VRK2: variants seen among roughly 807,000 people sequenced by gnomAD.
VRK2 encodes VRK serine/threonine kinase 2.
Under a neutral mutation model 57.6 loss-of-function variants are expected in VRK2, and 60 were observed. The observed-to-expected ratio is 1.04, with a 90% confidence interval of 0.85 to 1.29. VRK2 has a LOEUF of 1.29. Among genes scored for constraint, VRK2 ranks in the 50% most tolerant of loss-of-function variants. VRK2 has a pLI of 0.00. For synonymous variants in VRK2, 231 were observed against 199.2 expected (o/e 1.16, Z -1.35); for missense variants, 705 against 588.1 (o/e 1.20, Z -2.06).
At position 58,146,382 on chromosome 2, in the gene VRK2, G is replaced by A. The variant is rs753639112; in HGVS notation, c.1090G>A (p.Val364Ile). The stretch of plus-strand genomic sequence containing the variant: ...ACACAATAGGTTAATCGAAAAAAAA[G>A]TCCACAGTGAGAGAAGCGCTGAGTC... Reference protein sequence around the residue: ...KAHNRLIEKKVHSERSAESCA... With the variant: ...KAHNRLIEKKIHSERSAESCA... Residue 364 changes from valine to isoleucine, a missense_variant, in exon 12 of 13, where the codon GTC becomes ATC. Transcript: ENST00000340157. 5 of 1,611,652 alleles carry A rather than the reference G, an allele frequency of 3.1e-6. No homozygotes were observed. The highest frequency in any genetic ancestry group is 2.2e-5 in the South Asian group (2 of 91,010).
intron 2 of VRK2, among the ~76,000 whole-genome samples, chr2:58,082,612 A>G (rs780174339): frequency 6.6e-6 from 1 of 150,626 alleles, no homozygotes; most frequent in Non-Finnish European, 1.5e-5. Flanking sequence ...TCCCCTGTGT[A>G]TACTTTCTTA....
At position 57,972,491 on chromosome 2, in the gene VRK2, G is replaced by A. The variant is rs1484186574; in HGVS notation, c.-438-53174G>A. ...GTTTATTTTTTTCTGCATTATTTTG[G>A]TCTTTAGCATATAACCCATTAAGAA... On this transcript the variant is annotated intron_variant, in intron 1 of 15. Coordinates refer to the VRK2 transcript ENST00000417641. 2.6e-5 allele frequency among the ~76,000 whole-genome samples: 4 copies of A among 151,602 alleles called. No homozygotes were observed. The East Asian group carries it at 7.7e-4, about 29-fold the overall frequency.
intron 1 of VRK2, among the ~76,000 whole-genome samples, chr2:57,942,429 T>A (rs1671128711): frequency 6.6e-6 from 1 of 152,204 alleles, no homozygotes; most frequent in African/African-American, 2.4e-5. Context: ...TTCTTGCACC[T>A]GTGAGTCTCT....
chr2:57,926,110 T>C (rs1329528173), intron 1 of VRK2, among the ~76,000 whole-genome samples: 2 of 151,948 alleles, frequency 1.3e-5, no homozygotes, highest in African/African-American at 4.8e-5. Context: ...TATAATTTCT[T>C]TTTTTTATTT....
chr2:57,945,469 G>A (rs1371264274), intron 1 of VRK2, among the ~76,000 whole-genome samples: 4 of 152,110 alleles, frequency 2.6e-5, no homozygotes, highest in South Asian at 2.1e-4. Context: ...CATAATTGTT[G>A]TTTCCTGCCA....
chr2:57,930,500 T>C (rs1670685740), intron 1 of VRK2, among the ~76,000 whole-genome samples: 1 of 152,204 alleles, frequency 6.6e-6, no homozygotes, highest in South Asian at 2.1e-4. Context: ...AGTGCTTCTT[T>C]CTGTGATACA....
At chr2:58,007,217 C>CTCT in intron 1 of VRK2, among the ~76,000 whole-genome samples, 1 of 141,508 alleles carries the variant, frequency 7.1e-6, no homozygotes, top group Non-Finnish European at 1.6e-5. Context: ...TCTCTCTCTC[C>CTCT]CTCTCTCTCT....
chr2:58,040,170 A>C (rs1213589864), intron 3 of VRK2, among the ~76,000 whole-genome samples: 3 of 152,154 alleles, frequency 2.0e-5, no homozygotes, highest in Non-Finnish European at 2.9e-5. Context: ...ATAGATTTAA[A>C]TATTGGTATA....
chr2:57,926,539 TAGAGAG>T (rs1391341789), intron 1 of VRK2, among the ~76,000 whole-genome samples: 1 of 150,566 alleles, frequency 6.6e-6, no homozygotes, highest in East Asian at 1.9e-4. Flanking sequence ...TGTATATATA[TAGAGAG>T]AGAGAATTGT....
chr2:58,016,645 C>T (rs1040889156), intron 1 of VRK2, among the ~76,000 whole-genome samples: 6 of 152,194 alleles, frequency 3.9e-5, no homozygotes, highest in South Asian at 4.1e-4. Flanking sequence ...CAGCCGTGAG[C>T]CACCACCTGG....
intron 12 of VRK2, among the ~76,000 whole-genome samples, chr2:58,155,656 A>C (rs535226387): frequency 7.2e-5 from 11 of 151,968 alleles, no homozygotes; most frequent in African/African-American, 2.4e-4. Context: ...TTGATGGGGG[A>C]AGGGTAGGTG....
At chr2:57,912,479 C>A (rs1424681282) in intron 1 of VRK2, among the ~76,000 whole-genome samples, 1 of 151,780 alleles carries the variant, frequency 6.6e-6, no homozygotes, top group East Asian at 1.9e-4. Flanking sequence ...AGTAATTAAC[C>A]AAAACAGGGA....
chr2:58,109,285 C>G (rs1439604465), intron 7 of VRK2, among the ~76,000 whole-genome samples: 1 of 152,034 alleles, frequency 6.6e-6, no homozygotes, highest in Non-Finnish European at 1.5e-5. Flanking sequence ...GAGCCTACAG[C>G]CTTTAACTGT....
intron 2 of VRK2, among the ~76,000 whole-genome samples, chr2:58,082,028 T>C (rs1670953759): frequency 6.6e-6 from 1 of 151,866 alleles, no homozygotes; most frequent in Non-Finnish European, 1.5e-5. Context: ...TTTGTTCATA[T>C]GAAGCACCCG....
At chr2:58,089,507 G>C (rs1047050679) in intron 6 of VRK2, 124 bp from the exon 7 acceptor site, 3 of 509,128 alleles carry the variant, frequency 5.9e-6, no homozygotes, top group South Asian at 5.5e-5. Flanking sequence ...ACCAGTAATT[G>C]TGAAATACAT....
intron 1 of VRK2, among the ~76,000 whole-genome samples, chr2:58,020,944 T>A (rs969403407): frequency 6.6e-6 from 1 of 152,162 alleles, no homozygotes; most frequent in East Asian, 1.9e-4. Context: ...CCATTCTCTA[T>A]AAGTTTTTGA....
intron 7 of VRK2, among the ~76,000 whole-genome samples, chr2:58,091,493 TAAC>T (rs1478808578): frequency 1.3e-5 from 2 of 152,006 alleles, no homozygotes; most frequent in Admixed American, 6.6e-5. Context: ...TAAACTTAAA[TAAC>T]AATATACCTA....
intron 1 of VRK2, among the ~76,000 whole-genome samples, chr2:57,943,689 G>A (rs1378216158): frequency 6.6e-6 from 1 of 152,184 alleles, no homozygotes; most frequent in Non-Finnish European, 1.5e-5. Flanking sequence ...CAAAAGGGAA[G>A]GAAGCATAAG....
chr2:58,048,663 T>G, intron 1 of VRK2, 164 bp from the exon 2 acceptor site: 1 of 1,506,424 alleles, frequency 6.6e-7, no homozygotes, highest in Non-Finnish European at 8.9e-7. Context: ...AATTTCTAAT[T>G]TGAATATAAT....
Sources: allele counts gnomAD v4.1 joint callset (sites outside exome capture counted in the v4.1 genomes callset), GRCh38; gene constraint gnomAD v4.1.1; transcripts MANE v1.5; gene names NCBI Gene and HGNC (gene_info 2026-07-23, HGNC 2026-07-21).